The following KCTD8 variants were observed in gnomAD, a reference collection of about 807,000 sequenced individuals.
KCTD8 encodes BTB/POZ domain-containing protein KCTD8.
Under a neutral mutation model 31.5 loss-of-function variants are expected in KCTD8, and 27 were observed. The observed-to-expected ratio is 0.86, with a 90% confidence interval of 0.63 to 1.18. The LOEUF (loss-of-function observed/expected upper bound fraction) is 1.18, where lower values mean the gene tolerates loss of function less well. Among genes scored for constraint, KCTD8 ranks in the 50% most tolerant of loss-of-function variants. The pLI is 0.00. For synonymous variants in KCTD8, 290 were observed against 280.0 expected, an observed-to-expected ratio of 1.04 and a Z score of -0.36; for missense variants, 658 against 647.7, an observed-to-expected ratio of 1.02 and a Z score of -0.17.
chr4:44,189,301 AC>A (rs1713688534), intron 1 of KCTD8, among the ~76,000 whole-genome samples: 2 of 152,176 alleles, frequency 1.3e-5, no homozygotes, highest in Non-Finnish European at 2.9e-5. Context: ...ATCTATTTCT[AC>A]CTTCTGGAGC....
chr4:44,415,879 C>G (rs901917807), intron 1 of KCTD8, among the ~76,000 whole-genome samples: 1 of 152,150 alleles, frequency 6.6e-6, no homozygotes, highest in African/African-American at 2.4e-5. Flanking sequence ...GTGGGTGGAC[C>G]CACAGAGTCC....
At chr4:44,383,991 T>C (rs1196723331) in intron 1 of KCTD8, among the ~76,000 whole-genome samples, 1 of 151,848 alleles carries the variant, frequency 6.6e-6, no homozygotes, top group Admixed American at 6.6e-5. Context: ...AATTTACAAA[T>C]GGGCAAATGA....
At chr4:44,407,541 C>A (rs927196194) in intron 1 of KCTD8, among the ~76,000 whole-genome samples, 1 of 152,052 alleles carries the variant, frequency 6.6e-6, no homozygotes, top group Non-Finnish European at 1.5e-5. Context: ...CATGCGCCAC[C>A]ATGCCCAGCT....
intron 1 of KCTD8, among the ~76,000 whole-genome samples, chr4:44,313,678 T>C (rs1317576137): frequency 6.6e-6 from 1 of 152,188 alleles, no homozygotes; most frequent in Non-Finnish European, 1.5e-5. Context: ...CTATTGAGTA[T>C]CTACAGTTTA....
chr4:44,248,162 C>T (rs982987702), intron 1 of KCTD8, among the ~76,000 whole-genome samples: 8 of 151,910 alleles, frequency 5.3e-5, no homozygotes, highest in African/African-American at 1.9e-4. Flanking sequence ...TAATATTTCC[C>T]ACCTGAACGA....
intron 1 of KCTD8, among the ~76,000 whole-genome samples, chr4:44,446,114 GTCTAAC>G (rs551266350): frequency 6.6e-4 from 100 of 152,256 alleles, no homozygotes; most frequent in African/African-American, 2.4e-3. Flanking sequence ...TTAAAAAGTA[GTCTAAC>G]TCTGAGAACC....
Position 44,448,166 on chromosome 4 carries a change from G to T in KCTD8, c.358C>A (p.Leu120Met). The T allele has an allele frequency of 1.2e-6, 2 of 1,612,528 alleles. No individual in the cohort carries two copies. Among genetic ancestry groups the T allele is most frequent in the Non-Finnish European group, 1.7e-6 (2 of 1,179,750 alleles). Residue 120 changes from leucine (L) to methionine (M), a missense_variant, in exon 1 of 2, where the codon CTG becomes ATG. Transcript: ENST00000360029. The surrounding 1 kb of genome is among the most constrained non-coding windows in gnomAD (Gnocchi z 4.1). ...TCCTTCTCGGGGAAGTGCTCCGGCA[G>T]CGCGAGTTGCTTGTCCCGCAGATAA... ...LDYLRDKQLA[L>M]PEHFPEKERL...
intron 1 of KCTD8, among the ~76,000 whole-genome samples, chr4:44,430,578 A>G (rs889165920): frequency 6.6e-6 from 1 of 151,602 alleles, no homozygotes; most frequent in African/African-American, 2.4e-5. Context: ...GTGGAGCCAA[A>G]TGGTGCTCCA....
intron 1 of KCTD8, among the ~76,000 whole-genome samples, chr4:44,216,999 C>A (rs1714669028): frequency 6.6e-6 from 1 of 152,148 alleles, no homozygotes; most frequent in African/African-American, 2.4e-5. Context: ...CTATGTGTCT[C>A]TTTCTCATAC....
intron 1 of KCTD8, among the ~76,000 whole-genome samples, chr4:44,222,769 A>G (rs1240224330): frequency 6.6e-6 from 1 of 152,210 alleles, no homozygotes; most frequent in Non-Finnish European, 1.5e-5. Flanking sequence ...CCTACTATGC[A>G]AAGAGATTAG....
chr4:44,329,677 T>C (rs774925868), intron 1 of KCTD8, among the ~76,000 whole-genome samples: 1 of 152,026 alleles, frequency 6.6e-6, no homozygotes, highest in Non-Finnish European at 1.5e-5. Flanking sequence ...AGACAAACTT[T>C]TGTAGTATAT....
chr4:44,375,121 A>T (rs1031798395), intron 1 of KCTD8, among the ~76,000 whole-genome samples: 1 of 152,186 alleles, frequency 6.6e-6, no homozygotes, highest in African/African-American at 2.4e-5. Flanking sequence ...TAGAAAGTTA[A>T]GCATTGTGTC....
intron 1 of KCTD8, among the ~76,000 whole-genome samples, chr4:44,437,474 T>C (rs1721690527): frequency 6.6e-6 from 1 of 152,170 alleles, no homozygotes; most frequent in South Asian, 2.1e-4. Flanking sequence ...GAAGAAGAGA[T>C]ATGATTCAGT....
intron 1 of KCTD8, among the ~76,000 whole-genome samples, chr4:44,333,108 C>T (rs1295698634): frequency 6.6e-6 from 1 of 152,050 alleles, no homozygotes; most frequent in Non-Finnish European, 1.5e-5. Flanking sequence ...CAACTGATCA[C>T]ACTAGTTCCT....
chr4:44,274,499 A>G (rs920732654), intron 1 of KCTD8, among the ~76,000 whole-genome samples: 1 of 151,856 alleles, frequency 6.6e-6, no homozygotes, highest in African/African-American at 2.4e-5. Context: ...ATAAAGTGAA[A>G]CATCACATTA....
chr4:44,426,426 T>C (rs1721349641), intron 1 of KCTD8, among the ~76,000 whole-genome samples: 1 of 150,846 alleles, frequency 6.6e-6, no homozygotes, highest in Non-Finnish European at 1.5e-5. Flanking sequence ...AAGAATGACA[T>C]TATAAGAACA....
chr4:44,337,335 T>C (rs959357331), intron 1 of KCTD8, among the ~76,000 whole-genome samples: 1 of 152,248 alleles, frequency 6.6e-6, no homozygotes, highest in South Asian at 2.1e-4. Flanking sequence ...ATTTTAAAAG[T>C]AAAAACTATA....
At chr4:44,399,466 T>C (rs1044809581) in intron 1 of KCTD8, among the ~76,000 whole-genome samples, 2 of 152,086 alleles carry the variant, frequency 1.3e-5, no homozygotes, top group Non-Finnish European at 2.9e-5. Flanking sequence ...GTAAGCAAGA[T>C]CCCAGAGGCG....
At chr4:44,218,123 CCTTT>C (rs1714701757) in intron 1 of KCTD8, among the ~76,000 whole-genome samples, 2 of 136,608 alleles carry the variant, frequency 1.5e-5, no homozygotes, top group African/African-American at 5.7e-5. Flanking sequence ...TTTAAAATGT[CCTTT>C]TTTTTTTTTT....
Sources: gnomAD v4.1 joint callset for allele counts (sites outside exome capture counted in the v4.1 genomes callset) on GRCh38, gnomAD v4.1.1 for gene constraint, Gnocchi (gnomAD v3.1) non-coding constraint, MANE v1.5 for transcripts, NCBI Gene and HGNC (gene_info 2026-07-23, HGNC 2026-07-21) for gene names.